Variants in UBXN2B observed in about 807,000 individuals in gnomAD.
UBXN2B encodes the protein UBX domain-containing protein 2B.
A neutral mutation model predicts 37.5 loss-of-function variants in UBXN2B; 19 were observed. That is an observed-to-expected ratio of 0.51 (90% CI 0.35 to 0.74). The LOEUF (loss-of-function observed/expected upper bound fraction) is 0.74. UBXN2B is among the 30% of genes least tolerant of loss of function. UBXN2B has a pLI of 0.01. For synonymous variants in UBXN2B, 145 were observed against 143.8 expected, an observed-to-expected ratio of 1.01 and a Z score of -0.06; for missense variants, 370 against 393.2, an observed-to-expected ratio of 0.94 and a Z score of 0.50.
intron 1 of UBXN2B, among the ~76,000 whole-genome samples, chr8:58,416,429 A>C (rs1201017349): frequency 6.6e-6 from 1 of 152,122 alleles, no homozygotes; most frequent in Admixed American, 6.5e-5. Context: ...ATTGTTTTAT[A>C]TGCTTGGAGT....
rs539328736 is a variant in UBXN2B, at chr8:58,414,868, A to G, written c.85-1982A>G. Among the ~76,000 whole-genome samples the G allele has an allele frequency of 9.9e-5, 15 of 152,144 alleles. No homozygotes were observed. In the South Asian group the frequency reaches 2.9e-3, roughly 29 times the overall value. On this transcript the variant is annotated intron_variant, in intron 1 of 7. Coordinates refer to ENST00000399598, the MANE Select transcript of UBXN2B (RefSeq NM_001077619.2). ...TTCCACATTCCATGGGGCTAGTGGC[A>G]TTTTTGCTTTTTTAATTTATGTCAC...
intron 5 of UBXN2B, among the ~76,000 whole-genome samples, chr8:58,437,278 C>CTA (rs1419855527): frequency 6.9e-6 from 1 of 143,916 alleles, no homozygotes; most frequent in East Asian, 2.1e-4. Context: ...GAAGGTTGAA[C>CTA]TAAAGAGTGA....
intron 2 of UBXN2B, chr8:58,424,760 T>C: frequency 7.0e-7 from 1 of 1,427,392 alleles, no homozygotes. Context: ...TCATGACCTT[T>C]CCTCTTGCTT....
chr8:58,446,164 G>C, intron 7 of UBXN2B, 96 bp downstream of exon 7: 3 of 1,245,044 alleles, frequency 2.4e-6, no homozygotes, highest in Non-Finnish European at 3.2e-6. Context: ...TGAAGAATAT[G>C]ATATTCTTTA....
At position 58,416,946 on chromosome 8, in the gene UBXN2B, C is replaced by A. The variant is rs781499846; in HGVS notation, c.181C>A (p.Pro61Thr). ...AGTCTTCAAGAGCCCACGGACACCA[C>A]CTCAACGGTAAGTTTTATTTTGTTT... The part of the protein sequence containing the change: ...ATVFKSPRTP[P>T]QRFYSSEHEY... Residue 61 changes from proline to threonine, a missense_variant, in exon 2 of 8, where the codon CCT (proline) becomes ACT (threonine). Physicochemically the swap from Pro to Thr is conservative, Grantham distance 38 (BLOSUM62 -1). This residue lies in a region of UBXN2B where 197 missense variants were observed against 170.2 expected (regional missense o/e 1.16). Transcript: ENST00000399598. 1 of 1,594,082 alleles carries A rather than the reference C, an allele frequency of 6.3e-7. No homozygotes were observed. Among genetic ancestry groups the A allele is most frequent in the East Asian group, 2.2e-5 (1 of 44,490 alleles).
Position 58,411,453 on chromosome 8 carries a change from G to A in UBXN2B, c.68G>A (p.Ser23Asn). The change falls in exon 1 of 8, where the codon AGC (serine) becomes AAC (asparagine). Residue 23 changes from serine (S) to asparagine (N), a missense_variant. Transcript: ENST00000399598. Reference sequence around the variant, plus strand: ...AGGTCTTCCGGGCCGCGGCCTCCGAGCGCGCGGGATTTGCAGGTGAGGCGA... The same window carrying A: ...AGGTCTTCCGGGCCGCGGCCTCCGAACGCGCGGGATTTGCAGGTGAGGCGA... The part of the protein sequence containing the change: ...ERRSSGPRPP[S>N]ARDLQLALAE... 8.0e-7 allele frequency: 1 copy of A among 1,255,270 alleles called. No individual in the cohort carries two copies. Among genetic ancestry groups the A allele is most frequent in the Non-Finnish European group, 1.0e-6 (1 of 994,636 alleles). The allele number at this position is 1,255,270 out of a possible 1,614,324, so 77.8% of individuals were successfully genotyped here.
intron 6 of UBXN2B, among the ~76,000 whole-genome samples, chr8:58,440,856 G>A (rs1045640552): frequency 2.0e-5 from 3 of 152,152 alleles, no homozygotes; most frequent in Admixed American, 6.6e-5. Flanking sequence ...ATAGAGACTG[G>A]CACTGGGGAC....
At chr8:58,430,961 C>G (rs868334883) in intron 3 of UBXN2B, among the ~76,000 whole-genome samples, 13 of 152,068 alleles carry the variant, frequency 8.5e-5, no homozygotes, top group Admixed American at 1.3e-4. Context: ...ATGGTTTCCC[C>G]CAATGGTTCC....
intron 1 of UBXN2B, 72 bp from the exon 2 acceptor site, chr8:58,416,778 T>C: frequency 7.4e-7 from 1 of 1,342,616 alleles, no homozygotes; most frequent in Non-Finnish European, 1.0e-6. Flanking sequence ...TAGTGTTCTA[T>C]ACATAACTTC....
intron 5 of UBXN2B, among the ~76,000 whole-genome samples, chr8:58,436,927 G>C (rs1022280526): frequency 2.6e-5 from 4 of 152,138 alleles, no homozygotes; most frequent in Non-Finnish European, 2.9e-5. Context: ...CTTTATAGCA[G>C]TACAAACAGA....
intron 5 of UBXN2B, 103 bp from the exon 6 acceptor site, chr8:58,439,530 T>A (rs1315434506): frequency 7.1e-7 from 1 of 1,398,706 alleles, no homozygotes; most frequent in East Asian, 2.5e-5. Context: ...AAGCAAAAAA[T>A]TCTGTTTTCC....
At chr8:58,425,370 C>A in intron 2 of UBXN2B, 1 of 1,135,518 alleles carries the variant, frequency 8.8e-7, no homozygotes, top group South Asian at 1.2e-5. Flanking sequence ...CCATGTTTTG[C>A]AGGCAGCCTT....
intron 5 of UBXN2B, among the ~76,000 whole-genome samples, chr8:58,437,897 A>T (rs1413846282): frequency 2.0e-5 from 3 of 152,108 alleles, no homozygotes; most frequent in African/African-American, 7.2e-5. Context: ...TAGTGCTACT[A>T]ATCAAGATGA....
chr8:58,434,765 C>T, intron 5 of UBXN2B: 1 of 1,508,452 alleles, frequency 6.6e-7, no homozygotes, highest in South Asian at 1.2e-5. Flanking sequence ...ATGAACCCAG[C>T]TCCAAGAAGA....
intron 6 of UBXN2B, among the ~76,000 whole-genome samples, chr8:58,443,819 TAAATA>T (rs1047670224): frequency 2.0e-5 from 3 of 151,822 alleles, no homozygotes; most frequent in African/African-American, 7.3e-5. Context: ...GAAAAATAAA[TAAATA>T]AAATAAATTA....
chr8:58,412,392 C>T (rs1807661561), intron 1 of UBXN2B, among the ~76,000 whole-genome samples: 1 of 152,154 alleles, frequency 6.6e-6, no homozygotes, highest in Admixed American at 6.5e-5. Flanking sequence ...GACAGTTCTA[C>T]CTTTTGGAAG....
chr8:58,425,795 G>A (rs1481330583), intron 2 of UBXN2B: 2 of 1,169,730 alleles, frequency 1.7e-6, no homozygotes, highest in Non-Finnish European at 2.6e-6. Context: ...CACAAGATCT[G>A]TCAAAGAATC....
chr8:58,440,186 A>C (rs1355923137), intron 6 of UBXN2B, among the ~76,000 whole-genome samples: 1 of 152,210 alleles, frequency 6.6e-6, no homozygotes, highest in Non-Finnish European at 1.5e-5. Context: ...TGTGCTTTTC[A>C]CCACTATATT....
intron 5 of UBXN2B, among the ~76,000 whole-genome samples, chr8:58,435,598 A>G (rs192116017): frequency 5.3e-5 from 8 of 152,322 alleles, no homozygotes; most frequent in Admixed American, 5.2e-4. Context: ...AAACCAACAT[A>G]ACTGTAGAAA....
Sources: gnomAD v4.1 joint callset for allele counts (sites outside exome capture counted in the v4.1 genomes callset) on GRCh38, gnomAD v4.1.1 for gene constraint, gnomAD v4.1.1 regional missense constraint, MANE v1.5 for transcripts, NCBI Gene and HGNC (gene_info 2026-07-23, HGNC 2026-07-21) for gene names.